PYGL: variants seen among roughly 807,000 people sequenced by gnomAD.
PYGL encodes the protein glycogen phosphorylase, liver form.
A neutral mutation model predicts 100.1 loss-of-function variants in PYGL; 90 were observed. The ratio of observed to expected loss-of-function variants is 0.90; its 90% CI spans 0.76 to 1.07. The LOEUF (loss-of-function observed/expected upper bound fraction) is 1.07. Ranked by LOEUF, PYGL falls within the 50% of genes least tolerant of loss-of-function variation. PYGL has a pLI of 0.00. For missense variants in PYGL, 1,016 were observed against 1,057.6 expected (o/e 0.96, Z 0.55); for synonymous variants, 373 against 393.0 (o/e 0.95, Z 0.60).
At chr14:50,920,023 A>C (rs1423346487) in intron 7 of PYGL, among the ~76,000 whole-genome samples, 2 of 152,064 alleles carry the variant, frequency 1.3e-5, no homozygotes, top group Non-Finnish European at 2.9e-5. Context: ...TATTTACAAT[A>C]AAATTAGAAT....
intron 4 of PYGL, among the ~76,000 whole-genome samples, chr14:50,930,678 G>T (rs895959249): frequency 3.3e-5 from 5 of 152,098 alleles, no homozygotes; most frequent in Admixed American, 1.3e-4. Flanking sequence ...ATTCTCATAG[G>T]GTTATCTTCC....
chr14:50,924,587 A>G (rs1330853929), intron 4 of PYGL, among the ~76,000 whole-genome samples: 1 of 152,210 alleles, frequency 6.6e-6, no homozygotes, highest in African/African-American at 2.4e-5. Context: ...TCAGTTAGAA[A>G]ATGCTACTTA....
chr14:50,925,042 C>T (rs1175817370), intron 4 of PYGL, among the ~76,000 whole-genome samples: 1 of 152,150 alleles, frequency 6.6e-6, no homozygotes, highest in Non-Finnish European at 1.5e-5. Context: ...TCTTAAGCAA[C>T]GTTGTCATTG....
At chr14:50,935,290 T>A in intron 2 of PYGL, 105 bp from the exon 3 acceptor site, 4 of 937,420 alleles carry the variant, frequency 4.3e-6, no homozygotes, top group Non-Finnish European at 6.8e-6. Context: ...GGTTTAGCTG[T>A]GTACCTAATC....
chr14:50,922,999 C>T (rs1258858581), intron 5 of PYGL, among the ~76,000 whole-genome samples: 1 of 152,258 alleles, frequency 6.6e-6, no homozygotes, highest in Non-Finnish European at 1.5e-5. Context: ...CATCTGGACT[C>T]ATGCTCTGAC....
intron 7 of PYGL, among the ~76,000 whole-genome samples, chr14:50,919,947 G>A (rs572074032): frequency 6.6e-6 from 1 of 150,980 alleles, no homozygotes; most frequent in East Asian, 1.9e-4. Context: ...GACTCCCAAA[G>A]TGCTGGGATT....
intron 9 of PYGL, 82 bp from the exon 10 acceptor site, chr14:50,916,053 C>T: frequency 9.6e-6 from 15 of 1,569,390 alleles, no homozygotes; most frequent in Non-Finnish European, 1.2e-5. Flanking sequence ...CAACCCTGCC[C>T]TGTCTGCAAC....
At chr14:50,913,890 G>C (rs969855720) in intron 12 of PYGL, among the ~76,000 whole-genome samples, 2 of 151,954 alleles carry the variant, frequency 1.3e-5, no homozygotes, top group African/African-American at 2.4e-5. Context: ...TGGTGGTGGT[G>C]GGGGTGGGTC....
At chr14:50,921,254 C>T (rs1439121349) in intron 5 of PYGL, 187 bp from the exon 6 acceptor site, 1 of 595,872 alleles carries the variant, frequency 1.7e-6, no homozygotes, top group East Asian at 2.8e-5. Context: ...GTGGTTCCTC[C>T]CCGACCTGGT....
rs139032686 is a variant in PYGL, at chr14:50,931,726, C to A, written c.475G>T (p.Gly159Cys). 4 of 1,613,900 alleles carry A rather than the reference C, an allele frequency of 2.5e-6. No homozygotes were observed. Among genetic ancestry groups the A allele is most frequent in the Non-Finnish European group, 3.4e-6 (4 of 1,179,920 alleles). ...AAAATCCCATATTCATACCGAATGC[C>A]GTATCCATAGGCTGCAAGTCCCAGG... ...ATLGLAAYGY[G>C]IRYEYGIFNQ... The change falls in exon 4 of 20, where the codon GGC becomes TGC. Residue 159 changes from glycine to cysteine, a missense_variant. Gly to Cys is a radical substitution (Grantham distance 159). Transcript: ENST00000216392.
At chr14:50,944,033 C>T in intron 1 of PYGL, 128 bp downstream of exon 1, 3 of 1,288,376 alleles carry the variant, frequency 2.3e-6, no homozygotes, top group Non-Finnish European at 3.2e-6. Flanking sequence ...CACGTCTCCT[C>T]TGGACTTCGG....
chr14:50,916,717 A>G lies in PYGL; in HGVS notation c.1017T>C (p.Asn339=). The G allele has an allele frequency of 6.2e-7, 1 of 1,614,116 alleles. No homozygotes were observed. Among genetic ancestry groups the G allele is most frequent in the Admixed American group, 1.7e-5 (1 of 60,030 alleles). Residue 339 remains asparagine (N), a synonymous_variant, in exon 9 of 20, where the codon AAT becomes AAC. Transcript: ENST00000216392. ...AFPDQVAIQL[N]DTHPALAIPE... ...GGATCGCGAGTGCAGGGTGAGTGTC[A>G]TTCAGCTGGATGGCCACCTGGGTGG...
At chr14:50,938,542 T>C (rs1321332374) in intron 1 of PYGL, among the ~76,000 whole-genome samples, 2 of 152,238 alleles carry the variant, frequency 1.3e-5, no homozygotes, top group African/African-American at 2.4e-5. Context: ...TTGCTTTCAC[T>C]TTACTCTATG....
chr14:50,910,164 G>A (rs2050379911), intron 16 of PYGL, 62 bp from the exon 17 acceptor site: 10 of 1,501,080 alleles, frequency 6.7e-6, no homozygotes, highest in Non-Finnish European at 9.3e-6. Context: ...GTATTGTATT[G>A]AAGCATTTAT....
At chr14:50,927,070 T>C (rs964767996) in intron 4 of PYGL, among the ~76,000 whole-genome samples, 5 of 152,046 alleles carry the variant, frequency 3.3e-5, no homozygotes, top group Admixed American at 6.6e-5. Flanking sequence ...ACTGATGACA[T>C]ATTTTTTTGC....
At chr14:50,925,585 G>A (rs1273820630) in intron 4 of PYGL, among the ~76,000 whole-genome samples, 6 of 152,200 alleles carry the variant, frequency 3.9e-5, no homozygotes, top group Admixed American at 2.6e-4. Flanking sequence ...GGAACAGTGT[G>A]AAGAGACAAA....
chr14:50,917,728 T>C (rs1250665120), intron 7 of PYGL, among the ~76,000 whole-genome samples: 1 of 152,216 alleles, frequency 6.6e-6, no homozygotes, highest in African/African-American at 2.4e-5. Flanking sequence ...AGCCAGGCCA[T>C]GGTGTGCAGG....
At chr14:50,930,013 C>T (rs2050588669) in intron 4 of PYGL, among the ~76,000 whole-genome samples, 1 of 152,092 alleles carries the variant, frequency 6.6e-6, no homozygotes, top group South Asian at 2.1e-4. Flanking sequence ...TAGCACTTTT[C>T]CTTTATCTTT....
intron 19 of PYGL, among the ~76,000 whole-genome samples, chr14:50,907,635 G>C (rs1247511542): frequency 2.0e-5 from 3 of 152,318 alleles, no homozygotes; most frequent in East Asian, 3.9e-4. Flanking sequence ...GCATAAAAAA[G>C]ACGCCTAATG....
Sources: gnomAD v4.1 joint callset for allele counts (sites outside exome capture counted in the v4.1 genomes callset) on GRCh38, gnomAD v4.1.1 for gene constraint, MANE v1.5 for transcripts, NCBI Gene and HGNC (gene_info 2026-07-23, HGNC 2026-07-21) for gene names.